KCNIP4: variants seen among roughly 807,000 people sequenced by gnomAD.
KCNIP4 encodes the protein potassium voltage-gated channel interacting protein 4, also known as Kv channel-interacting protein 4.
A neutral mutation model predicts 34.0 loss-of-function variants in KCNIP4; 12 were observed. The observed-to-expected ratio is 0.35, with a 90% CI of 0.23 to 0.57. KCNIP4 has a LOEUF of 0.57. Among genes scored for constraint, KCNIP4 ranks in the 20% least tolerant of loss-of-function variants. The pLI, the probability that KCNIP4 is intolerant of heterozygous loss-of-function variation, is 0.83. For missense variants in KCNIP4, 238 were observed against 311.7 expected (o/e 0.76, Z 1.78); for synonymous variants, 124 against 102.2 (o/e 1.21, Z -1.29).
At chr4:21,256,419 A>T (rs1193460208) in intron 1 of KCNIP4, among the ~76,000 whole-genome samples, 2 of 48,168 alleles carry the variant, frequency 4.2e-5, no homozygotes, top group African/African-American at 7.3e-5. Context: ...ATCCCTGCTT[A>T]AAAAAAAAAA....
At chr4:21,070,545 G>A (rs1257338794) in intron 1 of KCNIP4, among the ~76,000 whole-genome samples, 1 of 151,368 alleles carries the variant, frequency 6.6e-6, no homozygotes, top group Admixed American at 6.6e-5. Flanking sequence ...GTCTGGCAAT[G>A]GTGATTAGCT....
intron 1 of KCNIP4, among the ~76,000 whole-genome samples, chr4:21,654,127 T>C (rs1020200680): frequency 1.3e-5 from 2 of 152,184 alleles, no homozygotes; most frequent in African/African-American, 4.8e-5. Context: ...CTCAATCAAA[T>C]GTGGATAAAC....
intron 1 of KCNIP4, among the ~76,000 whole-genome samples, chr4:21,307,728 C>T (rs770616260): frequency 6.6e-6 from 1 of 152,128 alleles, no homozygotes; most frequent in Non-Finnish European, 1.5e-5. Flanking sequence ...CATGCCTCCT[C>T]TGCCTGGGGA....
At chr4:21,173,136 A>C (rs1754135447) in intron 1 of KCNIP4, among the ~76,000 whole-genome samples, 1 of 152,180 alleles carries the variant, frequency 6.6e-6, no homozygotes, top group African/African-American at 2.4e-5. Flanking sequence ...ATGGAGGCTT[A>C]GGTCAAACAT....
chr4:21,703,252 C>T (rs1713008299), intron 1 of KCNIP4, among the ~76,000 whole-genome samples: 1 of 151,792 alleles, frequency 6.6e-6, no homozygotes, highest in South Asian at 2.1e-4. Flanking sequence ...CTAGCCAGTA[C>T]AATGAGGTAA....
At chr4:21,036,766 C>T (rs1741480442) in intron 1 of KCNIP4, among the ~76,000 whole-genome samples, 1 of 152,190 alleles carries the variant, frequency 6.6e-6, no homozygotes, top group South Asian at 2.1e-4. Context: ...TGTCTTGTTT[C>T]ATGACGGCTT....
intron 1 of KCNIP4, among the ~76,000 whole-genome samples, chr4:21,425,574 T>A (rs1725857867): frequency 6.6e-6 from 1 of 152,166 alleles, no homozygotes; most frequent in African/African-American, 2.4e-5. Flanking sequence ...TGGAAGATAT[T>A]TTGTATATTC....
At chr4:20,998,743 G>A (rs1051755755) in intron 1 of KCNIP4, among the ~76,000 whole-genome samples, 1 of 152,230 alleles carries the variant, frequency 6.6e-6, no homozygotes, top group African/African-American at 2.4e-5. Context: ...TCTGAATAAG[G>A]ATAATAGTTC....
At chr4:21,806,350 A>C (rs1483610144) in intron 1 of KCNIP4, among the ~76,000 whole-genome samples, 1 of 152,198 alleles carries the variant, frequency 6.6e-6, no homozygotes, top group Non-Finnish European at 1.5e-5. Context: ...TGCCGTTTAC[A>C]ATTCTGTATT....
At chr4:21,679,265 T>G (rs1245779875) in intron 1 of KCNIP4, among the ~76,000 whole-genome samples, 1 of 152,138 alleles carries the variant, frequency 6.6e-6, no homozygotes, top group Non-Finnish European at 1.5e-5. Flanking sequence ...TTACCCAGAG[T>G]ATTTATCATC....
intron 1 of KCNIP4, among the ~76,000 whole-genome samples, chr4:21,588,578 G>C (rs1371189732): frequency 6.6e-6 from 1 of 151,870 alleles, no homozygotes; most frequent in African/African-American, 2.4e-5. Context: ...ACATATGCAG[G>C]ATACTTCTAC....
Position 21,230,860 on chromosome 4 carries a change from T to C in KCNIP4, c.62-348151A>G, listed in dbSNP as rs1015294614. Among the ~76,000 whole-genome samples, 3 of 152,202 alleles carry C rather than the reference T, an allele frequency of 2.0e-5. No homozygotes were observed. The East Asian group carries it at 5.8e-4, about 29-fold the overall frequency. On this transcript the variant is annotated intron_variant, in intron 1 of 8. Transcript: ENST00000382152. Reference sequence around the variant, plus strand: ...TATCTTTATAATAGAATGATTTATATTCCTTTGGTTATATACCCAGTAATA... The same window carrying C: ...TATCTTTATAATAGAATGATTTATACTCCTTTGGTTATATACCCAGTAATA...
chr4:21,171,319 T>A (rs1754007767), intron 1 of KCNIP4, among the ~76,000 whole-genome samples: 2 of 152,122 alleles, frequency 1.3e-5, no homozygotes, highest in South Asian at 4.1e-4. Flanking sequence ...TCAACTTAGA[T>A]GAGTTCAATA....
chr4:21,291,905 AAG>A (rs1578030912), intron 1 of KCNIP4, among the ~76,000 whole-genome samples: 5 of 89,262 alleles, frequency 5.6e-5, no homozygotes, highest in Admixed American at 3.3e-4. Context: ...GAAAGAAAGA[AAG>A]AAAGAAAGAA....
chr4:21,248,378 C>A (rs187798623), intron 1 of KCNIP4, among the ~76,000 whole-genome samples: 3 of 152,088 alleles, frequency 2.0e-5, no homozygotes, highest in African/African-American at 7.2e-5. Context: ...ATATAAAGAT[C>A]GTCTTTAAAA....
intron 3 of KCNIP4, among the ~76,000 whole-genome samples, chr4:20,840,969 C>G (rs1719647037): frequency 6.6e-6 from 1 of 152,144 alleles, no homozygotes; most frequent in South Asian, 2.1e-4. Flanking sequence ...GCGACTCTTG[C>G]AAGGGAATCA....
chr4:21,274,093 C>T (rs1762305938), intron 1 of KCNIP4, among the ~76,000 whole-genome samples: 1 of 152,136 alleles, frequency 6.6e-6, no homozygotes, highest in Admixed American at 6.6e-5. Flanking sequence ...TTTCTCACTG[C>T]TTAAGTTTGT....
intron 1 of KCNIP4, among the ~76,000 whole-genome samples, chr4:21,189,712 C>T (rs1160845091): frequency 6.6e-6 from 1 of 152,112 alleles, no homozygotes; most frequent in Non-Finnish European, 1.5e-5. Flanking sequence ...AAAGGTTTTG[C>T]CACTTGAGAG....
intron 1 of KCNIP4, among the ~76,000 whole-genome samples, chr4:21,701,325 A>T (rs1712821888): frequency 6.6e-6 from 1 of 152,208 alleles, no homozygotes. Context: ...GGAGGAATAC[A>T]TTTTATTGAT....
Sources: allele counts gnomAD v4.1 joint callset (sites outside exome capture counted in the v4.1 genomes callset), GRCh38; gene constraint gnomAD v4.1.1; transcripts MANE v1.5; gene names NCBI Gene and HGNC (gene_info 2026-07-23, HGNC 2026-07-21).